Variants in LAMA3 observed in about 807,000 individuals in gnomAD.
LAMA3 encodes the protein laminin subunit alpha 3, also known as laminin subunit alpha-3.
Under a neutral mutation model 402.0 loss-of-function variants are expected in LAMA3, and 281 were observed. That is an observed-to-expected ratio of 0.70 (90% CI 0.63 to 0.77). LAMA3 has a LOEUF of 0.77. Ranked by LOEUF, LAMA3 falls within the 30% of genes least tolerant of loss-of-function variation. The pLI is 0.00. For synonymous variants in LAMA3, 1,431 were observed against 1,558.4 expected (o/e 0.92, Z 1.93); for missense variants, 3,840 against 4,215.5 (o/e 0.91, Z 2.47).
chr18:23,857,853 C>T lies in LAMA3; in HGVS notation c.4146C>T (p.Pro1382=). ...TTTACTTTGTGTACAGATGCAAGCC[C>T]AGAATCACAGGGCGGCAGTGTGACC... is the stretch of plus-strand genomic sequence containing the variant. ...DRDSGQCRCK[P]RITGRQCDRC... The change falls in exon 33 of 75, where the codon CCC becomes CCT. Residue 1382 remains proline, a synonymous_variant. Coordinates refer to ENST00000313654, the MANE Select transcript of LAMA3 (RefSeq NM_198129.4). 2 of 1,614,220 alleles carry T rather than the reference C, an allele frequency of 1.2e-6. No individual in the cohort carries two copies. Among genetic ancestry groups the T allele is most frequent in the African/African-American group, 2.7e-5 (2 of 75,058 alleles).
intron 69 of LAMA3, among the ~76,000 whole-genome samples, chr18:23,944,710 T>C (rs1315952686): frequency 6.6e-6 from 1 of 152,126 alleles, no homozygotes; most frequent in Admixed American, 6.5e-5. Flanking sequence ...GGGAATTAGC[T>C]GAATGAACAA....
At chr18:23,696,087 G>C (rs1344925721) in intron 1 of LAMA3, among the ~76,000 whole-genome samples, 1 of 152,120 alleles carries the variant, frequency 6.6e-6, no homozygotes, top group African/African-American at 2.4e-5. Context: ...CGTGGGATTG[G>C]CTCTGCAGAG....
chr18:23,922,050 T>C (rs2081860218), intron 62 of LAMA3, among the ~76,000 whole-genome samples: 1 of 152,214 alleles, frequency 6.6e-6, no homozygotes, highest in Admixed American at 6.5e-5. Flanking sequence ...CCTTACATGC[T>C]ATCGAGCGTG....
intron 2 of LAMA3, among the ~76,000 whole-genome samples, chr18:23,740,956 C>CTT (rs748348773): frequency 2.1e-5 from 3 of 141,750 alleles, no homozygotes; most frequent in Non-Finnish European, 3.1e-5. Flanking sequence ...ACCAAGCACA[C>CTT]TTTTTTTTTT....
chr18:23,852,280 C>T (rs2063963696), intron 32 of LAMA3, among the ~76,000 whole-genome samples: 1 of 152,214 alleles, frequency 6.6e-6, no homozygotes. Context: ...CTGTCTTTCC[C>T]TTAACTTTAT....
intron 13 of LAMA3, among the ~76,000 whole-genome samples, chr18:23,812,133 A>C (rs2063085198): frequency 6.6e-6 from 1 of 152,002 alleles, no homozygotes; most frequent in Non-Finnish European, 1.5e-5. Context: ...TTGGCCTCCC[A>C]AAGTGCTGGG....
chr18:23,777,672 C>G, intron 11 of LAMA3, 53 bp downstream of exon 11: 1 of 1,286,352 alleles, frequency 7.8e-7, no homozygotes, highest in African/African-American at 1.5e-5. Context: ...TGCCCTTATT[C>G]TTTTCCTACT....
At chr18:23,715,079 C>T (rs1187173707) in intron 2 of LAMA3, among the ~76,000 whole-genome samples, 1 of 151,982 alleles carries the variant, frequency 6.6e-6, no homozygotes, top group East Asian at 1.9e-4. Flanking sequence ...AGAAAAGTAG[C>T]TTAGTGGTTG....
intron 12 of LAMA3, among the ~76,000 whole-genome samples, chr18:23,786,715 TG>T (rs1238079879): frequency 3.9e-5 from 6 of 152,196 alleles, no homozygotes; most frequent in Non-Finnish European, 7.3e-5. Context: ...ATTATAAATC[TG>T]TATAGAAGAC....
chr18:23,758,624 G>C, intron 7 of LAMA3, 113 bp downstream of exon 7: 1 of 756,138 alleles, frequency 1.3e-6, no homozygotes, highest in Non-Finnish European at 2.2e-6. Flanking sequence ...CAGTGTTAGG[G>C]GCTCAAGTCT....
At chr18:23,866,752 A>T (rs1166059022) in intron 36 of LAMA3, among the ~76,000 whole-genome samples, 10 of 152,138 alleles carry the variant, frequency 6.6e-5, no homozygotes. Context: ...CTCACAAAAC[A>T]TTTTCCCTGC....
Position 23,845,031 on chromosome 18 carries a change from C to A in LAMA3, c.3626C>A (p.Ala1209Glu), listed in dbSNP as rs1568247424. The A allele has an allele frequency of 6.2e-7, 1 of 1,606,726 alleles. No individual in the cohort carries two copies. The highest frequency in any genetic ancestry group is 1.3e-5 in the African/African-American group (1 of 74,910). The change falls in exon 30 of 75, where the codon GCA becomes GAA. Residue 1209 changes from alanine to glutamate, a missense_variant. Transcript: ENST00000313654. ...CAGGTCCGTGTTCTAGTGGTGCCTG[C>A]AGAAAACTATGACTACCAAATACTT... ...LVLVRVLVVP[A>E]ENYDYQILHK... is the part of the protein sequence containing the mutation.
chr18:23,915,534 C>T (rs2145253448), intron 59 of LAMA3, 112 bp downstream of exon 59: 2 of 1,013,170 alleles, frequency 2.0e-6, no homozygotes, highest in Admixed American at 3.4e-5. Flanking sequence ...TTGCTAGTTG[C>T]TTTGGGCCAG....
Position 23,726,682 on chromosome 18 carries a change from A to G in LAMA3, c.447+12610A>G, listed in dbSNP as rs149750694. 4.8e-4 allele frequency among the ~76,000 whole-genome samples: 73 copies of G among 152,212 alleles called. 1 individual carries two copies. The highest frequency in any genetic ancestry group is 1.8e-3 in the African/African-American group (73 of 41,530). On this transcript the variant is annotated intron_variant, in intron 2 of 74. Transcript: ENST00000313654. ...TGCCCAGCTGGAGTGCAGTGACATG[A>G]TCTCGGCTCACTACAACCTCTGCCT...
rs2081153387 is a variant in LAMA3 at position 23,903,871 on chromosome 18, G to A, written c.6319-62G>A. On this transcript the variant is annotated intron_variant, in intron 49 of 74. Coordinates refer to ENST00000313654, the MANE Select transcript of LAMA3 (RefSeq NM_198129.4). ...ACACATCAGTTATGATAGAGTTTGAGAAATCAGCACCTACATTCTTTCCTT... is the reference window on the plus strand; with the variant it reads ...ACACATCAGTTATGATAGAGTTTGAAAAATCAGCACCTACATTCTTTCCTT... 5.2e-6 allele frequency: 7 copies of A among 1,350,894 alleles called. No individual in the cohort carries two copies. The South Asian group carries it at 5.9e-5, about 11-fold the overall frequency. 83.7% of individuals were successfully genotyped at this position (1,350,894 alleles called of 1,614,324 possible). A position where few individuals can be genotyped will look rare whatever the true frequency, so the allele number is the denominator to read the frequency against.
In LAMA3 at chr18:23,839,871, C is replaced by A; in HGVS notation, c.3278C>A (p.Pro1093His). ...AGTGGCAGGCCTTTCCCTCACCTGC[C>A]CCAGCAGTCGTCACCTTCTGTTGAT... ...VLSGRPFPHL[P>H]QQSSPSVDVL... The change falls in exon 27 of 75, where the codon CCC (proline) becomes CAC (histidine). Residue 1093 changes from proline (P) to histidine (H), a missense_variant. By Grantham distance (77) the Pro-to-His change is moderately conservative. Coordinates refer to ENST00000313654, the MANE Select transcript of LAMA3 (RefSeq NM_198129.4). This position sits in a 1 kb window ranked among gnomAD's most constrained non-coding sequence, Gnocchi z 4.5. 1 of 1,614,176 alleles carries A rather than the reference C, an allele frequency of 6.2e-7. No individual in the cohort carries two copies. The highest frequency in any genetic ancestry group is 1.3e-5 in the African/African-American group (1 of 75,042).
chr18:23,858,784 T>C lies in LAMA3; in HGVS notation c.4377T>C (p.Phe1459=). ...AGGGTTGTACCAGCTGTTTCTGTTT[T>C]GGAGTAAATAATCAATGTCACAGCT... ...NLKGCTSCFC[F]GVNNQCHSSH... The change falls in exon 34 of 75, where the codon TTT becomes TTC. Residue 1459 remains phenylalanine (F), a synonymous_variant. Transcript: ENST00000313654. 6.2e-7 allele frequency: 1 copy of C among 1,614,216 alleles called. No homozygotes were observed. Among genetic ancestry groups the C allele is most frequent in the Non-Finnish European group, 8.5e-7 (1 of 1,180,020 alleles).
intron 1 of LAMA3, among the ~76,000 whole-genome samples, chr18:23,698,730 T>C (rs2060734217): frequency 6.6e-6 from 1 of 152,230 alleles, no homozygotes; most frequent in South Asian, 2.1e-4. Context: ...GTAATGTCCA[T>C]TCACTTCTAT....
chr18:23,765,695 T>C (rs2062061714), intron 8 of LAMA3, among the ~76,000 whole-genome samples: 1 of 152,022 alleles, frequency 6.6e-6, no homozygotes, highest in South Asian at 2.1e-4. Context: ...ATAATTATGC[T>C]CAAGAGAATA....
Sources: allele counts gnomAD v4.1 joint callset (sites outside exome capture counted in the v4.1 genomes callset), GRCh38; gene constraint gnomAD v4.1.1; non-coding constraint Gnocchi (gnomAD v3.1); transcripts MANE v1.5; gene names NCBI Gene and HGNC (gene_info 2026-07-23, HGNC 2026-07-21).